ZFP3: variants seen among roughly 807,000 people sequenced by gnomAD.
ZFP3 encodes ZFP3 zinc finger protein.
In ZFP3, 18 loss-of-function variants were observed where a neutral mutation model predicts 36.7. That is an observed-to-expected ratio of 0.49 (90% CI 0.34 to 0.73). The LOEUF (loss-of-function observed/expected upper bound fraction) is 0.73, where lower values mean the gene tolerates loss of function less well. Ranked by LOEUF, ZFP3 falls within the 30% of genes least tolerant of loss-of-function variation. The pLI is 0.01. For missense variants in ZFP3, 495 were observed against 599.0 expected, an observed-to-expected ratio of 0.83 and a Z score of 1.81; for synonymous variants, 218 against 199.0, an observed-to-expected ratio of 1.10 and a Z score of -0.81.
rs748533508 is a variant in ZFP3 at position 5,092,420 on chromosome 17, G to T, written c.916G>T (p.Glu306Ter). Residue 306 changes from glutamate to a stop codon, truncating the protein, a stop_gained, in exon 2 of 2, where the codon GAA (glutamate) becomes TAA (stop). Transcript: ENST00000318833. LOFTEE classifies it high-confidence loss of function. This position sits in a 1 kb window ranked among gnomAD's most constrained non-coding sequence, Gnocchi z 5.0. ...LIRHQKIHTG[E>*]KPYLCNECGK... The stretch of plus-strand genomic sequence containing the variant: ...TAGACACCAGAAAATTCATACTGGA[G>T]AAAAACCATATCTGTGTAATGAATG... The T allele has an allele frequency of 1.2e-6, 2 of 1,614,224 alleles. No individual in the cohort carries two copies. The highest frequency in any genetic ancestry group is 2.2e-5 in the South Asian group (2 of 91,090).
intron 1 of ZFP3, among the ~76,000 whole-genome samples, chr17:5,080,912 A>G (rs542947971): frequency 4.0e-4 from 61 of 152,222 alleles, no homozygotes; most frequent in Admixed American, 1.2e-3. Context: ...GATGCTCTCC[A>G]GCTTGCTTGT....
chr17:5,091,409 G>A (rs1472961542), intron 1 of ZFP3, 88 bp from the exon 2 acceptor site: 6 of 1,360,216 alleles, frequency 4.4e-6, no homozygotes, highest in African/African-American at 1.5e-5. Flanking sequence ...AGTGCTATGA[G>A]AACTACATCA....
Position 5,084,267 on chromosome 17 carries a change from CTTTTTTTTTTT to C in ZFP3, c.-9+5708_-9+5718del, listed in dbSNP as rs59148082. The stretch of plus-strand genomic sequence containing the variant: ...ATACATCAGTACGTTGTGAATGAGG[CTTTTTTTTTTT>C]TTTTTTTTTTTTTTTGAGACGGAGT... On this transcript the variant is annotated intron_variant, in intron 1 of 1. Coordinates refer to ENST00000318833, the MANE Select transcript of ZFP3 (RefSeq NM_153018.3). Among the ~76,000 whole-genome samples, 163 of 60,144 alleles carry C rather than the reference CTTTTTTTTTTT, an allele frequency of 2.7e-3. 1 individual carries two copies. Among genetic ancestry groups the C allele is most frequent in the African/African-American group, 0.011 (154 of 13,478 alleles). The allele number at this position is 60,144 out of a possible 152,430, so 39.5% of individuals were successfully genotyped here.
rs1380439279 is a variant in ZFP3 at position 5,095,817 on chromosome 17, A to G, written c.*2804A>G. 4 of 166,340 alleles carry G rather than the reference A, an allele frequency of 2.4e-5. No individual in the cohort carries two copies. The East Asian group carries it at 7.7e-4, about 32-fold the overall frequency. The allele number at this position is 166,340 out of a possible 1,614,324, so 10.3% of individuals were successfully genotyped here. ...CTCTTAAACCCATTCCTGCTCAGCA[A>G]AACTTCCTCTAGTTCACCATTCATT... On this transcript the variant is annotated 3_prime_UTR_variant, in exon 2 of 2. Coordinates refer to ENST00000318833, the MANE Select transcript of ZFP3 (RefSeq NM_153018.3).
At chr17:5,080,415 T>C (rs1376155498) in intron 1 of ZFP3, among the ~76,000 whole-genome samples, 1 of 152,152 alleles carries the variant, frequency 6.6e-6, no homozygotes, top group South Asian at 2.1e-4. Flanking sequence ...TGAGGTTAGA[T>C]CTCTGGCAAG....
In ZFP3 at chr17:5,096,370, A is replaced by G. The variant is rs2072181802; in HGVS notation, c.*3357A>G. 3 of 165,612 alleles carry G rather than the reference A, an allele frequency of 1.8e-5. No individual in the cohort carries two copies. The allele number at this position is 165,612 out of a possible 1,614,324, so 10.3% of individuals were successfully genotyped here. A position where few individuals can be genotyped will look rare whatever the true frequency, so the allele number is the denominator to read the frequency against. On this transcript the variant is annotated 3_prime_UTR_variant, in exon 2 of 2. Transcript: ENST00000318833. ...AAATAAAATATTTCTTTACTATTTT[A>G]TTGATACAATGCCTTTGTCATGTTT...
At position 5,095,207 on chromosome 17, in the gene ZFP3, G is replaced by A. The variant is rs903412776; in HGVS notation, c.*2194G>A. 6.0e-6 allele frequency: 1 copy of A among 167,034 alleles called. No homozygotes were observed. The highest frequency in any genetic ancestry group is 1.5e-5 in the Non-Finnish European group (1 of 68,114). The allele number at this position is 167,034 out of a possible 1,614,324, so 10.3% of individuals were successfully genotyped here. On this transcript the variant is annotated 3_prime_UTR_variant, in exon 2 of 2. Transcript: ENST00000318833. ...GTACTCCAATATAGGTGTCTTCCCA[G>A]GTTTATATCCTTGGCTTGAGAAAAG...
Position 5,095,822 on chromosome 17 carries a change from TC to T in ZFP3, c.*2811del, listed in dbSNP as rs1446530532. Reference sequence around the variant, plus strand: ...AAACCCATTCCTGCTCAGCAAAACTTCCTCTAGTTCACCATTCATTCATTTG... The same window carrying T: ...AAACCCATTCCTGCTCAGCAAAACTTCTCTAGTTCACCATTCATTCATTTG... On this transcript the variant is annotated 3_prime_UTR_variant, in exon 2 of 2. Transcript: ENST00000318833. 6.0e-6 allele frequency: 1 copy of T among 166,412 alleles called. No homozygotes were observed. Among genetic ancestry groups the T allele is most frequent in the Non-Finnish European group, 1.5e-5 (1 of 68,032 alleles). The allele number at this position is 166,412 out of a possible 1,614,324, so 10.3% of individuals were successfully genotyped here. A position where few individuals can be genotyped will look rare whatever the true frequency, so the allele number is the denominator to read the frequency against.
chr17:5,092,986 AC>A lies in ZFP3; in HGVS notation c.1483del (p.His495IlefsTer52). The A allele has an allele frequency of 1.2e-6, 2 of 1,606,258 alleles. No individual in the cohort carries two copies. The highest frequency in any genetic ancestry group is 8.5e-7 in the Non-Finnish European group (1 of 1,176,474). The part of the protein sequence containing the change: ...TFSRSSHLLR[H>X]QSVHCME ...TTAGTCGGAGCTCTCACCTCCTCCG[AC>A]ATCAAAGTGTTCACTGTATGGAGTA... On this transcript the variant is annotated frameshift_variant, in exon 2 of 2. Transcript: ENST00000318833. LOFTEE classifies it high-confidence loss of function. The surrounding 1 kb of genome is among the most constrained non-coding windows in gnomAD (Gnocchi z 5.0).
chr17:5,089,965 C>T (rs1441848333), intron 1 of ZFP3, among the ~76,000 whole-genome samples: 3 of 152,158 alleles, frequency 2.0e-5, no homozygotes, highest in Non-Finnish European at 4.4e-5. Context: ...GCCAAAAATG[C>T]ACTCTTTAAG....
At chr17:5,082,076 G>C (rs1377780580) in intron 1 of ZFP3, among the ~76,000 whole-genome samples, 1 of 151,440 alleles carries the variant, frequency 6.6e-6, no homozygotes, top group Non-Finnish European at 1.5e-5. Flanking sequence ...GGCTGGGCAC[G>C]GTGCCTCACG....
In ZFP3 at chr17:5,092,227, T is replaced by C; in HGVS notation, c.723T>C (p.Ile241=). ...CCTTCAGTCAAAATTCAGCCCTTAT[T>C]CTACACCAGAGAATCCATACTGGAG... The part of the protein sequence containing the change: ...GKAFSQNSAL[I]LHQRIHTGEK... Residue 241 remains isoleucine (I), a synonymous_variant, in exon 2 of 2, where the codon ATT becomes ATC. Transcript: ENST00000318833. This position sits in a 1 kb window ranked among gnomAD's most constrained non-coding sequence, Gnocchi z 5.0. The C allele has an allele frequency of 6.2e-7, 1 of 1,614,144 alleles. No homozygotes were observed. Among genetic ancestry groups the C allele is most frequent in the Non-Finnish European group, 8.5e-7 (1 of 1,180,030 alleles).
chr17:5,092,734 C>T lies in ZFP3; in HGVS notation c.1230C>T (p.Val410=), dbSNP rs1448804637. The change falls in exon 2 of 2, where the codon GTC becomes GTT. Residue 410 remains valine, a synonymous_variant. Coordinates refer to ENST00000318833, the MANE Select transcript of ZFP3 (RefSeq NM_153018.3). The surrounding 1 kb of genome is among the most constrained non-coding windows in gnomAD (Gnocchi z 5.0). ...KAFRRTSHLI[V]HQRIHTGEKP... ...TCAGGCGGACCTCTCACCTTATTGTCCACCAGAGAATTCATACTGGAGAGA... is the reference window on the plus strand; with the variant it reads ...TCAGGCGGACCTCTCACCTTATTGTTCACCAGAGAATTCATACTGGAGAGA... The T allele has an allele frequency of 1.2e-6, 2 of 1,613,550 alleles. No homozygotes were observed. The highest frequency in any genetic ancestry group is 1.7e-5 in the Admixed American group (1 of 59,942).
intron 1 of ZFP3, 118 bp from the exon 2 acceptor site, chr17:5,091,379 C>T: frequency 3.4e-6 from 4 of 1,160,390 alleles, no homozygotes; most frequent in Non-Finnish European, 4.8e-6. Flanking sequence ...GCCCTCCTCC[C>T]CTGACCAAGA....
rs35379036 is a variant in ZFP3, at chr17:5,087,077, A to ATTT, written c.-8-4401_-8-4399dup. On this transcript the variant is annotated intron_variant, in intron 1 of 1. Transcript: ENST00000318833. The stretch of plus-strand genomic sequence containing the variant: ...TCCTAGCGAATCTCAACTGCATTTG[A>ATTT]TTTTTTTTTTTTTTTTTTTTTGAGA... 3.8e-3 allele frequency among the ~76,000 whole-genome samples: 384 copies of ATTT among 101,530 alleles called. 9 individuals are homozygous for ATTT. Among genetic ancestry groups the ATTT allele is most frequent in the African/African-American group, 0.011 (293 of 25,780 alleles). 66.6% of individuals were successfully genotyped at this position (101,530 alleles called of 152,430 possible).
intron 1 of ZFP3, among the ~76,000 whole-genome samples, chr17:5,089,465 T>G (rs1567749565): frequency 6.6e-6 from 1 of 152,236 alleles, no homozygotes; most frequent in South Asian, 2.1e-4. Flanking sequence ...TAGAATATGA[T>G]CATGTGGCCA....
intron 1 of ZFP3, among the ~76,000 whole-genome samples, chr17:5,083,876 C>CTTTTCT (rs1327289688): frequency 3.6e-5 from 5 of 138,504 alleles, no homozygotes; most frequent in South Asian, 2.2e-4. Context: ...CTTTTCTTTT[C>CTTTTCT]TTTTTTTTGA....
rs781618166 is a variant in ZFP3, at chr17:5,091,722, T to C, written c.218T>C (p.Leu73Ser). The change falls in exon 2 of 2, where the codon TTG (leucine) becomes TCG (serine). Residue 73 changes from leucine (L) to serine (S), a missense_variant. This residue lies in a region of ZFP3 where 229 missense variants were observed against 233.8 expected (regional missense o/e 0.98). Coordinates refer to ENST00000318833, the MANE Select transcript of ZFP3 (RefSeq NM_153018.3). The part of the protein sequence containing the change: ...SPQERDFPSG[L>S]MIFKKSPSSE... ...CAGGAGAGAGACTTTCCATCAGGGT[T>C]GATGATCTTTAAGAAATCACCCTCA... 6.2e-7 allele frequency: 1 copy of C among 1,614,192 alleles called. No individual in the cohort carries two copies. The highest frequency in any genetic ancestry group is 8.5e-7 in the Non-Finnish European group (1 of 1,180,048).
Position 5,092,985 on chromosome 17 carries a change from G to A in ZFP3, c.1481G>A (p.Arg494Gln), listed in dbSNP as rs779920938. 4.4e-6 allele frequency: 7 copies of A among 1,606,066 alleles called. No individual in the cohort carries two copies. Among genetic ancestry groups the A allele is most frequent in the Non-Finnish European group, 5.1e-6 (6 of 1,176,458 alleles). ...TTTAGTCGGAGCTCTCACCTCCTCCGACATCAAAGTGTTCACTGTATGGAG... is the reference window on the plus strand; with the variant it reads ...TTTAGTCGGAGCTCTCACCTCCTCCAACATCAAAGTGTTCACTGTATGGAG... Reference protein sequence around the residue: ...KTFSRSSHLLRHQSVHCME With the variant: ...KTFSRSSHLLQHQSVHCME Residue 494 changes from arginine to glutamine, a missense_variant, in exon 2 of 2, where the codon CGA becomes CAA. This residue lies in a region of ZFP3 where 163 missense variants were observed against 178.4 expected (regional missense o/e 0.91). Coordinates refer to ENST00000318833, the MANE Select transcript of ZFP3 (RefSeq NM_153018.3). This position sits in a 1 kb window ranked among gnomAD's most constrained non-coding sequence, Gnocchi z 5.0.
Sources: allele counts gnomAD v4.1 joint callset (sites outside exome capture counted in the v4.1 genomes callset), GRCh38; gene constraint gnomAD v4.1.1; regional missense constraint gnomAD v4.1.1; non-coding constraint Gnocchi (gnomAD v3.1); transcripts MANE v1.5; gene names NCBI Gene and HGNC (gene_info 2026-07-23, HGNC 2026-07-21).